Variants in PTPRO observed in about 807,000 individuals in gnomAD.
The protein encoded by PTPRO is receptor-type tyrosine-protein phosphatase O.
PTPRO carries 62 observed loss-of-function variants against 145.2 expected under a neutral mutation model. The observed-to-expected ratio is 0.43, with a 90% CI of 0.35 to 0.53. The LOEUF is 0.53. PTPRO is among the 20% of genes least tolerant of loss of function. The probability of loss-of-function intolerance (pLI) is 0.01; values close to 1 mark genes in which losing one functional copy is unlikely to be tolerated. For synonymous variants in PTPRO, 565 were observed against 514.7 expected, an observed-to-expected ratio of 1.10 and a Z score of -1.32; for missense variants, 1,345 against 1,482.7, an observed-to-expected ratio of 0.91 and a Z score of 1.53.
intron 6 of PTPRO, 45 bp downstream of exon 6, chr12:15,504,114 C>A (rs549513705): frequency 3.2e-6 from 5 of 1,549,576 alleles, no homozygotes. Context: ...GGAGCTAGAA[C>A]AATGGAACTG....
chr12:15,591,379 CA>C (rs1171310641), intron 25 of PTPRO, among the ~76,000 whole-genome samples: 2 of 150,974 alleles, frequency 1.3e-5, no homozygotes, highest in South Asian at 2.1e-4. Context: ...TCAAAAAAAA[CA>C]AAAAAAACTT....
intron 1 of PTPRO, among the ~76,000 whole-genome samples, chr12:15,454,127 AT>A (rs1274469334): frequency 6.6e-6 from 1 of 152,124 alleles, no homozygotes; most frequent in Non-Finnish European, 1.5e-5. Context: ...TGCTATTTCT[AT>A]TTTTAATTGT....
chr12:15,464,297 A>T (rs1353038357), intron 1 of PTPRO, among the ~76,000 whole-genome samples: 2 of 152,152 alleles, frequency 1.3e-5, no homozygotes, highest in Non-Finnish European at 2.9e-5. Context: ...TGTGGATCTA[A>T]CACACAGCCA....
chr12:15,438,806 T>C (rs1940673616), intron 1 of PTPRO, among the ~76,000 whole-genome samples: 1 of 152,146 alleles, frequency 6.6e-6, no homozygotes, highest in East Asian at 1.9e-4. Flanking sequence ...TCAAGTAACA[T>C]GCCTAATCTA....
intron 5 of PTPRO, among the ~76,000 whole-genome samples, chr12:15,502,966 T>C (rs193049569): frequency 6.6e-6 from 1 of 152,276 alleles, no homozygotes; most frequent in East Asian, 1.9e-4. Context: ...TTTACTCCTA[T>C]TTTACTTAAT....
chr12:15,566,268 A>C (rs1318781777), intron 18 of PTPRO, among the ~76,000 whole-genome samples: 1 of 152,040 alleles, frequency 6.6e-6, no homozygotes, highest in Non-Finnish European at 1.5e-5. Context: ...CTTTATATAG[A>C]GTTTGTTCTT....
In PTPRO at chr12:15,415,639, C is replaced by T. The variant is rs58720448; in HGVS notation, c.76-68335C>T. Among the ~76,000 whole-genome samples, 373 of 151,868 alleles carry T rather than the reference C, an allele frequency of 2.5e-3. 14 individuals carry two copies. Among genetic ancestry groups the T allele is most frequent in the African/African-American group, 8.7e-3 (359 of 41,132 alleles). On this transcript the variant is annotated intron_variant, in intron 1 of 26. Transcript: ENST00000281171. ...CGACCTTGTGATCCGCCCACCCTGG[C>T]CTCCCAAAGTGCTGGGATTACAGGC...
intron 6 of PTPRO, among the ~76,000 whole-genome samples, chr12:15,505,898 G>A (rs1214058348): frequency 1.3e-5 from 2 of 152,168 alleles, no homozygotes; most frequent in Middle Eastern, 3.2e-3. Context: ...TCCCAGAGAT[G>A]AGAATTCAGG....
At chr12:15,515,723 A>G (rs1404701000) in intron 8 of PTPRO, 105 bp downstream of exon 8, 2 of 1,445,644 alleles carry the variant, frequency 1.4e-6, no homozygotes, top group South Asian at 2.3e-5. Context: ...TGGAAGGTCC[A>G]TATTAGTTCA....
intron 1 of PTPRO, among the ~76,000 whole-genome samples, chr12:15,415,248 A>C (rs2136318328): frequency 6.6e-6 from 1 of 152,298 alleles, no homozygotes; most frequent in South Asian, 2.1e-4. Context: ...AAGAAGCCCT[A>C]AACAGCCTCT....
At chr12:15,392,011 T>C (rs897610787) in intron 1 of PTPRO, among the ~76,000 whole-genome samples, 1 of 152,206 alleles carries the variant, frequency 6.6e-6, no homozygotes, top group Non-Finnish European at 1.5e-5. Context: ...GTTTTTGTCT[T>C]CACTGGGGCC....
intron 19 of PTPRO, among the ~76,000 whole-genome samples, chr12:15,575,041 G>T (rs1944150008): frequency 6.6e-6 from 1 of 152,148 alleles, no homozygotes; most frequent in Admixed American, 6.5e-5. Flanking sequence ...AAGTAATTAG[G>T]ATTAGATAAG....
At chr12:15,485,743 T>TA (rs1290909250) in intron 2 of PTPRO, among the ~76,000 whole-genome samples, 1 of 152,170 alleles carries the variant, frequency 6.6e-6, no homozygotes, top group Non-Finnish European at 1.5e-5. Flanking sequence ...TAAGCAATGC[T>TA]AAAAAATTTC....
chr12:15,324,521 A>G (rs746968609), intron 1 of PTPRO, among the ~76,000 whole-genome samples: 8 of 152,224 alleles, frequency 5.3e-5, no homozygotes, highest in African/African-American at 7.2e-5. Context: ...CATAATAGGT[A>G]TATTCCTGAA....
At chr12:15,447,964 T>C (rs1330509951) in intron 1 of PTPRO, among the ~76,000 whole-genome samples, 1 of 152,156 alleles carries the variant, frequency 6.6e-6, no homozygotes, top group Non-Finnish European at 1.5e-5. Flanking sequence ...TTGATCTGCC[T>C]AGCAGAAACA....
intron 1 of PTPRO, among the ~76,000 whole-genome samples, chr12:15,364,852 A>C (rs1465566113): frequency 6.6e-6 from 1 of 152,174 alleles, no homozygotes; most frequent in Non-Finnish European, 1.5e-5. Context: ...TGAACAACAC[A>C]AGCATGCTTC....
At chr12:15,574,049 A>G (rs6488784) in intron 19 of PTPRO, among the ~76,000 whole-genome samples, 40,217 of 152,048 alleles carry the variant, frequency 0.26, 6,018 homozygotes, top group African/African-American at 0.4. Flanking sequence ...TCATTTTGAT[A>G]CTGACATTGA....
chr12:15,347,150 T>A (rs1867248701), intron 1 of PTPRO, among the ~76,000 whole-genome samples: 1 of 151,722 alleles, frequency 6.6e-6, no homozygotes, highest in African/African-American at 2.4e-5. Context: ...ATGGGAGGAG[T>A]ACTCAGTTTT....
chr12:15,549,535 T>C (rs532121826), intron 14 of PTPRO, among the ~76,000 whole-genome samples: 12 of 152,308 alleles, frequency 7.9e-5, no homozygotes, highest in Non-Finnish European at 1.6e-4. Flanking sequence ...CTCATCTTCT[T>C]CAGTAATAGG....
Sources: gnomAD v4.1 joint callset for allele counts (sites outside exome capture counted in the v4.1 genomes callset) on GRCh38, gnomAD v4.1.1 for gene constraint, MANE v1.5 for transcripts, NCBI Gene and HGNC (gene_info 2026-07-23, HGNC 2026-07-21) for gene names.